SLC13A3: variants seen among roughly 807,000 people sequenced by gnomAD.
SLC13A3 encodes the protein Na(+)/dicarboxylate cotransporter 3.
Under a neutral mutation model 59.0 loss-of-function variants are expected in SLC13A3, and 40 were observed. The observed-to-expected ratio is 0.68, with a 90% confidence interval of 0.53 to 0.88. The LOEUF is 0.88. Ranked by LOEUF, SLC13A3 falls within the 40% of genes least tolerant of loss-of-function variation. The pLI is 0.00. For missense variants in SLC13A3, 699 were observed against 783.2 expected (o/e 0.89, Z 1.28); for synonymous variants, 317 against 330.3 (o/e 0.96, Z 0.44).
chr20:46,642,889 C>T (rs115790798), intron 1 of SLC13A3, among the ~76,000 whole-genome samples: 140 of 152,242 alleles, frequency 9.2e-4, no homozygotes, highest in African/African-American at 3.3e-3. Context: ...TGAGAACCAT[C>T]TGCCGCCATC....
chr20:46,630,443 ACTC>A (rs1044478662), intron 1 of SLC13A3, among the ~76,000 whole-genome samples: 1 of 151,864 alleles, frequency 6.6e-6, no homozygotes. Flanking sequence ...ACACTTCAGA[ACTC>A]CTCGTCCTGC....
At chr20:46,561,517 G>A (rs888416405) in intron 12 of SLC13A3, among the ~76,000 whole-genome samples, 1 of 152,090 alleles carries the variant, frequency 6.6e-6, no homozygotes, top group Non-Finnish European at 1.5e-5. Flanking sequence ...CTGCTATCAG[G>A]GAGAGCTTAA....
upstream of SLC13A3, among the ~76,000 whole-genome samples, chr20:46,675,033 A>T (rs1356801253): frequency 1.3e-5 from 2 of 152,036 alleles, no homozygotes; most frequent in East Asian, 3.9e-4. Context: ...GATCAGTGGG[A>T]AAAGTGTTTC....
intron 1 of SLC13A3, among the ~76,000 whole-genome samples, chr20:46,659,575 C>G (rs759073977): frequency 6.6e-6 from 1 of 151,722 alleles, no homozygotes; most frequent in African/African-American, 2.4e-5. Context: ...ATTAGCTGAG[C>G]GTAGTTGCAG....
chr20:46,608,954 A>T (rs2062463754), intron 3 of SLC13A3: 1 of 1,550,814 alleles, frequency 6.4e-7, no homozygotes. Flanking sequence ...CATCATTTCC[A>T]CTCATATTCC....
At chr20:46,660,375 A>T (rs914144487) in intron 1 of SLC13A3, among the ~76,000 whole-genome samples, 1 of 151,858 alleles carries the variant, frequency 6.6e-6, no homozygotes, top group Non-Finnish European at 1.5e-5. Context: ...TAGATTGACA[A>T]TTTTTTTTCC....
intron 3 of SLC13A3, among the ~76,000 whole-genome samples, chr20:46,600,907 C>T (rs1255624227): frequency 1.3e-5 from 2 of 152,154 alleles, no homozygotes; most frequent in Non-Finnish European, 2.9e-5. Context: ...GTGGGCTCTC[C>T]CTTCAACAGA....
chr20:46,601,204 G>A (rs73311070), intron 3 of SLC13A3, among the ~76,000 whole-genome samples: 3,281 of 152,226 alleles, frequency 0.022, 121 homozygotes, highest in African/African-American at 0.074. Flanking sequence ...TGCCCAAGAC[G>A]ATATGATTTA....
chr20:46,608,278 A>G (rs748318251), intron 3 of SLC13A3, among the ~76,000 whole-genome samples: 4 of 152,166 alleles, frequency 2.6e-5, no homozygotes, highest in Admixed American at 1.3e-4. Context: ...AATTATATGA[A>G]ATTTTAATTT....
At chr20:46,650,160 TCTC>T (rs1204565762) in intron 1 of SLC13A3, among the ~76,000 whole-genome samples, 1 of 152,060 alleles carries the variant, frequency 6.6e-6, no homozygotes, top group East Asian at 1.9e-4. Flanking sequence ...TGTGGTACCA[TCTC>T]CTTCCAGCCC....
At chr20:46,578,911 A>G (rs574138670) in intron 9 of SLC13A3, among the ~76,000 whole-genome samples, 12,987 of 150,572 alleles carry the variant, frequency 0.086, 634 homozygotes, top group Non-Finnish European at 0.11. Context: ...CGTCGTCATC[A>G]TCATCATCAT....
At chr20:46,650,319 G>T (rs545709691) in intron 1 of SLC13A3, among the ~76,000 whole-genome samples, 1 of 152,258 alleles carries the variant, frequency 6.6e-6, no homozygotes, top group African/African-American at 2.4e-5. Context: ...GTCACTTGCT[G>T]TGTGACTCTG....
chr20:46,679,192 C>A (rs187024531), intron 1 of SLC13A3, among the ~76,000 whole-genome samples: 1 of 152,222 alleles, frequency 6.6e-6, no homozygotes, highest in Non-Finnish European at 1.5e-5. Flanking sequence ...AGGAACCGAT[C>A]TGACCTTTCC....
intron 9 of SLC13A3, among the ~76,000 whole-genome samples, chr20:46,581,184 C>T (rs183601801): frequency 3.9e-5 from 6 of 152,300 alleles, no homozygotes; most frequent in Admixed American, 1.3e-4. Context: ...GACTAAGCCC[C>T]AATTTGGGGG....
At chr20:46,580,268 T>C (rs919007854) in intron 9 of SLC13A3, among the ~76,000 whole-genome samples, 1 of 152,050 alleles carries the variant, frequency 6.6e-6, no homozygotes, top group African/African-American at 2.4e-5. Flanking sequence ...TCACCACTTC[T>C]TACTGATCTC....
intron 1 of SLC13A3, among the ~76,000 whole-genome samples, chr20:46,614,760 G>A (rs932287915): frequency 5.9e-5 from 9 of 152,138 alleles, no homozygotes; most frequent in African/African-American, 2.2e-4. Context: ...TGCAGACCAG[G>A]GTAGACCAAA....
At chr20:46,588,851 C>T (rs374024412) in intron 7 of SLC13A3, among the ~76,000 whole-genome samples, 12 of 152,262 alleles carry the variant, frequency 7.9e-5, no homozygotes, top group African/African-American at 1.4e-4. Context: ...AACAAGGTCC[C>T]GGAAGTCACC....
chr20:46,620,998 A>C (rs1288656717), intron 1 of SLC13A3, among the ~76,000 whole-genome samples: 1 of 152,262 alleles, frequency 6.6e-6, no homozygotes, highest in African/African-American at 2.4e-5. Flanking sequence ...GGCAATGGCC[A>C]TCAAGAGTTG....
chr20:46,572,346 G>T (rs1000509404), intron 10 of SLC13A3, among the ~76,000 whole-genome samples: 8 of 152,298 alleles, frequency 5.3e-5, no homozygotes, highest in Middle Eastern at 3.4e-3. Context: ...GCAGAGGCTG[G>T]GGAAAGGAAC....
Sources: allele counts gnomAD v4.1 joint callset (sites outside exome capture counted in the v4.1 genomes callset), GRCh38; gene constraint gnomAD v4.1.1; transcripts MANE v1.5; gene names NCBI Gene and HGNC (gene_info 2026-07-23, HGNC 2026-07-21).